CTNNA3: variants seen among roughly 807,000 people sequenced by gnomAD.
CTNNA3 encodes catenin alpha 3.
Under a neutral mutation model 95.7 loss-of-function variants are expected in CTNNA3, and 76 were observed. That is an observed-to-expected ratio of 0.79 (90% confidence interval 0.66 to 0.96). The LOEUF (loss-of-function observed/expected upper bound fraction) is 0.96, where lower values mean the gene tolerates loss of function less well. Among genes scored for constraint, CTNNA3 ranks in the 40% least tolerant of loss-of-function variants. The probability of loss-of-function intolerance (pLI) is 0.00; values close to 1 mark genes in which losing one functional copy is unlikely to be tolerated. For synonymous variants in CTNNA3, 431 were observed against 374.4 expected (o/e 1.15, Z -1.74); for missense variants, 1,191 against 1,089.8 (o/e 1.09, Z -1.31).
intron 17 of CTNNA3, among the ~76,000 whole-genome samples, chr10:65,960,519 C>T (rs1028210113): frequency 2.6e-5 from 4 of 152,042 alleles, no homozygotes; most frequent in Admixed American, 1.3e-4. Context: ...AGCGAGACTC[C>T]GTCTCAACAA....
chr10:66,799,480 G>A (rs1349653104), intron 7 of CTNNA3, among the ~76,000 whole-genome samples: 2 of 151,362 alleles, frequency 1.3e-5, no homozygotes, highest in African/African-American at 2.4e-5. Flanking sequence ...ACTTATTATT[G>A]GACAGAACTA....
chr10:66,699,605 T>C (rs1227867182), intron 9 of CTNNA3, among the ~76,000 whole-genome samples: 2 of 152,218 alleles, frequency 1.3e-5, no homozygotes, highest in East Asian at 3.9e-4. Flanking sequence ...TGTGCACATA[T>C]ACATGGGTAT....
At chr10:67,182,459 T>C (rs1862603248) in intron 6 of CTNNA3, among the ~76,000 whole-genome samples, 1 of 152,132 alleles carries the variant, frequency 6.6e-6, no homozygotes, top group African/African-American at 2.4e-5. Flanking sequence ...ATTTAATAAA[T>C]GGTGCTGGGA....
Position 67,641,557 on chromosome 10 carries a change from C to T in CTNNA3, c.99+5858G>A, listed in dbSNP as rs542641332. 5.3e-5 allele frequency among the ~76,000 whole-genome samples: 8 copies of T among 152,258 alleles called. No homozygotes were observed. In the East Asian group the frequency reaches 1.5e-3, roughly 29 times the overall value. ...ATGCTACTATAAAGACACATGCACA[C>T]GTATGTTTACTGCAGCACTATTCAC... On this transcript the variant is annotated intron_variant, in intron 2 of 17. Coordinates refer to ENST00000433211, the MANE Select transcript of CTNNA3 (RefSeq NM_013266.4).
At chr10:66,193,606 T>C (rs2086793564) in intron 13 of CTNNA3, among the ~76,000 whole-genome samples, 1 of 152,208 alleles carries the variant, frequency 6.6e-6, no homozygotes, top group South Asian at 2.1e-4. Flanking sequence ...TTGTCTAATA[T>C]CATTTTTAGA....
intron 10 of CTNNA3, among the ~76,000 whole-genome samples, chr10:66,616,959 G>A (rs896711969): frequency 6.6e-6 from 1 of 151,690 alleles, no homozygotes; most frequent in East Asian, 1.9e-4. Context: ...AATCATCCCT[G>A]CCCTCTATGA....
At chr10:67,448,697 T>C (rs943941679) in intron 5 of CTNNA3, among the ~76,000 whole-genome samples, 2 of 151,364 alleles carry the variant, frequency 1.3e-5, no homozygotes, top group African/African-American at 4.8e-5. Context: ...TAAGATGGAA[T>C]CTTAAAGATT....
intron 7 of CTNNA3, among the ~76,000 whole-genome samples, chr10:67,147,326 T>C (rs1342050334): frequency 1.3e-5 from 2 of 152,192 alleles, no homozygotes; most frequent in African/African-American, 4.8e-5. Context: ...CATTTTCTCA[T>C]CTAAAAGCCT....
intron 7 of CTNNA3, among the ~76,000 whole-genome samples, chr10:67,096,656 A>G (rs953442478): frequency 6.6e-6 from 1 of 151,920 alleles, no homozygotes; most frequent in African/African-American, 2.4e-5. Flanking sequence ...CTAGACTTTG[A>G]TATCTGATTA....
At chr10:66,586,344 A>G (rs1013563397) in intron 10 of CTNNA3, among the ~76,000 whole-genome samples, 1 of 152,116 alleles carries the variant, frequency 6.6e-6, no homozygotes, top group Admixed American at 6.5e-5. Context: ...TGACAGAGGC[A>G]GCTGGCAAAG....
intron 11 of CTNNA3, among the ~76,000 whole-genome samples, chr10:66,473,815 T>C (rs1002315845): frequency 3.3e-5 from 5 of 152,008 alleles, no homozygotes; most frequent in African/African-American, 1.2e-4. Context: ...GGTTTCCAGC[T>C]TCATCCATGT....
intron 7 of CTNNA3, among the ~76,000 whole-genome samples, chr10:67,143,124 T>C (rs867148026): frequency 6.6e-6 from 1 of 151,326 alleles, no homozygotes; most frequent in Non-Finnish European, 1.5e-5. Flanking sequence ...GCTGCATCGA[T>C]TGACTCTTTC....
intron 10 of CTNNA3, among the ~76,000 whole-genome samples, chr10:66,564,576 G>A (rs1301662604): frequency 2.6e-5 from 4 of 152,126 alleles, no homozygotes; most frequent in Non-Finnish European, 4.4e-5. Context: ...TAAGTGAGTC[G>A]ACAAGTGAGT....
chr10:67,721,048 G>A (rs1250655722), intron 1 of CTNNA3, among the ~76,000 whole-genome samples: 1 of 152,118 alleles, frequency 6.6e-6, no homozygotes, highest in South Asian at 2.1e-4. Context: ...TCCCTTTGTG[G>A]GTAACCCAAC....
intron 7 of CTNNA3, among the ~76,000 whole-genome samples, chr10:67,079,120 TTCA>T (rs1856900569): frequency 6.6e-6 from 1 of 152,214 alleles, no homozygotes; most frequent in African/African-American, 2.4e-5. Flanking sequence ...ATTTATAAGT[TTCA>T]GAGACAAGAT....
chr10:65,927,149 G>C (rs916802884), intron 17 of CTNNA3, among the ~76,000 whole-genome samples: 2 of 151,996 alleles, frequency 1.3e-5, no homozygotes, highest in African/African-American at 4.8e-5. Context: ...CAGGGAGAAT[G>C]ATTTCAATAT....
At chr10:67,554,913 T>C (rs1485623750) in intron 3 of CTNNA3, among the ~76,000 whole-genome samples, 1 of 152,218 alleles carries the variant, frequency 6.6e-6, no homozygotes, top group East Asian at 1.9e-4. Context: ...CTTTAATCCA[T>C]CTGGAATTAA....
intron 14 of CTNNA3, among the ~76,000 whole-genome samples, chr10:66,089,952 C>A (rs1056818511): frequency 6.6e-6 from 1 of 151,848 alleles, no homozygotes; most frequent in Non-Finnish European, 1.5e-5. Flanking sequence ...CTTATAACAC[C>A]ATTTTATATT....
chr10:65,947,294 TC>T (rs1215607367), intron 17 of CTNNA3, among the ~76,000 whole-genome samples: 1 of 152,162 alleles, frequency 6.6e-6, no homozygotes, highest in Non-Finnish European at 1.5e-5. Context: ...TTACCTTTTT[TC>T]TTTACACATA....
Sources: gnomAD v4.1 joint callset for allele counts (sites outside exome capture counted in the v4.1 genomes callset) on GRCh38, gnomAD v4.1.1 for gene constraint, MANE v1.5 for transcripts, NCBI Gene and HGNC (gene_info 2026-07-23, HGNC 2026-07-21) for gene names.